TMEM63C: variants seen among roughly 807,000 people sequenced by gnomAD.
The protein encoded by TMEM63C is transmembrane protein 63C.
TMEM63C carries 32 observed loss-of-function variants against 99.2 expected under a neutral mutation model. That is an observed-to-expected ratio of 0.32 (90% CI 0.24 to 0.43). The LOEUF (loss-of-function observed/expected upper bound fraction) is 0.43. TMEM63C is among the 20% of genes least tolerant of loss of function. TMEM63C has a pLI of 1.00. For missense variants in TMEM63C, 826 were observed against 1,053.0 expected, an observed-to-expected ratio of 0.78 and a Z score of 2.98; for synonymous variants, 376 against 397.9, an observed-to-expected ratio of 0.94 and a Z score of 0.66.
At chr14:77,183,634 C>G (rs76308508) in intron 1 of TMEM63C, among the ~76,000 whole-genome samples, 4 of 152,256 alleles carry the variant, frequency 2.6e-5, no homozygotes, top group Admixed American at 6.5e-5. Flanking sequence ...GGGCCAGCAC[C>G]GGTTTACTCC....
At chr14:77,239,972 G>A (rs751870874) in intron 12 of TMEM63C, among the ~76,000 whole-genome samples, 23 of 152,198 alleles carry the variant, frequency 1.5e-4, no homozygotes, top group Non-Finnish European at 2.9e-4. Context: ...TCTTGGATGG[G>A]AGAATGAGAG....
intron 16 of TMEM63C, among the ~76,000 whole-genome samples, chr14:77,245,520 A>G (rs756451879): frequency 6.6e-6 from 1 of 152,236 alleles, no homozygotes; most frequent in Non-Finnish European, 1.5e-5. Context: ...TGATAAAGAC[A>G]TACTCAAGAC....
At chr14:77,231,795 C>T (rs1888948368) in intron 7 of TMEM63C, 65 bp downstream of exon 7, 1 of 1,534,566 alleles carries the variant, frequency 6.5e-7, no homozygotes, top group Non-Finnish European at 8.8e-7. Context: ...GCAAGCCAGT[C>T]AGGGCTGGGG....
rs932439265 is a variant in TMEM63C, at chr14:77,239,501, G to T, written c.806+9G>T. 8 of 1,613,382 alleles carry T rather than the reference G, an allele frequency of 5.0e-6. No homozygotes were observed. Among genetic ancestry groups the T allele is most frequent in the Non-Finnish European group, 6.8e-6 (8 of 1,179,728 alleles). On this transcript the variant is annotated intron_variant, in intron 11 of 23. Coordinates refer to ENST00000298351, the MANE Select transcript of TMEM63C (RefSeq NM_020431.4). The stretch of plus-strand genomic sequence containing the variant: ...GACTTGGACGATCAGAGGTGAGGCT[G>T]CAGCGGGGCCTTTTGGGGCCCGGGG...
At position 77,256,513 on chromosome 14, in the gene TMEM63C, C is replaced by T. The variant is rs1566633583; in HGVS notation, c.2221-13C>T. ...GTGACCTTGCTCCTGTCCCCTGTCT[C>T]TATCCCAAGCAGCTGTATGTGGCCA... On this transcript the variant is annotated splice_polypyrimidine_tract_variant and intron_variant, in intron 23 of 23. Transcript: ENST00000298351. 2.5e-6 allele frequency: 4 copies of T among 1,613,800 alleles called. No homozygotes were observed. Among genetic ancestry groups the T allele is most frequent in the Non-Finnish European group, 3.4e-6 (4 of 1,179,834 alleles).
chr14:77,225,539 GC>G (rs1888805197), intron 6 of TMEM63C, 78 bp downstream of exon 6: 2 of 1,500,622 alleles, frequency 1.3e-6, no homozygotes, highest in Non-Finnish European at 1.8e-6. Context: ...AAAGTTAGCA[GC>G]CCCCAGCCTG....
chr14:77,255,283 G>C (rs184786727), intron 23 of TMEM63C, among the ~76,000 whole-genome samples: 1 of 152,186 alleles, frequency 6.6e-6, no homozygotes, highest in Admixed American at 6.5e-5. Flanking sequence ...GAGCCACCAC[G>C]CCAGGCCTAT....
At chr14:77,228,632 G>A (rs1341165654) in intron 6 of TMEM63C, among the ~76,000 whole-genome samples, 5 of 151,224 alleles carry the variant, frequency 3.3e-5, no homozygotes, top group East Asian at 2.0e-4. Context: ...CGCCTCCCAC[G>A]TTCAAACAAT....
At chr14:77,224,596 A>ACT (rs1888784415) in intron 5 of TMEM63C, among the ~76,000 whole-genome samples, 1 of 151,366 alleles carries the variant, frequency 6.6e-6, no homozygotes, top group Non-Finnish European at 1.5e-5. Flanking sequence ...TCCAAAGATG[A>ACT]CTCTCTCTCT....
At chr14:77,189,921 C>T (rs749440759) in intron 1 of TMEM63C, among the ~76,000 whole-genome samples, 24 of 152,194 alleles carry the variant, frequency 1.6e-4, no homozygotes, top group Non-Finnish European at 2.4e-4. Context: ...CTCTCATCCC[C>T]TTCTCTGATT....
At position 77,225,572 on chromosome 14, in the gene TMEM63C, G is replaced by A. The variant is rs554324184; in HGVS notation, c.350+111G>A. On this transcript the variant is annotated intron_variant, in intron 6 of 23. Transcript: ENST00000298351. The stretch of plus-strand genomic sequence containing the variant: ...CCTGGGAAGACAGGGCCTGAGCTCC[G>A]TATCCTCCCCGCCACCTCGGCCCAT... 401 of 1,093,514 alleles carry A rather than the reference G, an allele frequency of 3.7e-4. 4 individuals carry two copies. The Middle Eastern group carries it at 3.9e-3, about 11-fold the overall frequency. The allele number at this position is 1,093,514 out of a possible 1,614,324, so 67.7% of individuals were successfully genotyped here.
intron 6 of TMEM63C, 25 bp from the exon 7 acceptor site, chr14:77,231,563 G>C: frequency 6.4e-7 from 1 of 1,551,230 alleles, no homozygotes; most frequent in South Asian, 1.2e-5. Flanking sequence ...CCTGAGGCAC[G>C]TCCTTGTCTG....
At chr14:77,226,529 A>G (rs533188820) in intron 6 of TMEM63C, among the ~76,000 whole-genome samples, 1 of 152,332 alleles carries the variant, frequency 6.6e-6, no homozygotes, top group Non-Finnish European at 1.5e-5. Context: ...GAAGAGAGAA[A>G]TTAATTCCAA....
chr14:77,240,733 C>G, intron 13 of TMEM63C, 125 bp downstream of exon 13: 1 of 1,248,928 alleles, frequency 8.0e-7, no homozygotes, highest in Non-Finnish European at 1.1e-6. Context: ...TCACAGGCAG[C>G]TGCCATCTGG....
Position 77,256,993 on chromosome 14 carries a change from A to G in TMEM63C, c.*267A>G, listed in dbSNP as rs1889474879. 2.2e-6 allele frequency: 1 copy of G among 451,586 alleles called. No individual in the cohort carries two copies. 28.0% of individuals were successfully genotyped at this position (451,586 alleles called of 1,614,324 possible). A position where few individuals can be genotyped will look rare whatever the true frequency, so the allele number is the denominator to read the frequency against. On this transcript the variant is annotated 3_prime_UTR_variant, in exon 24 of 24. Coordinates refer to ENST00000298351, the MANE Select transcript of TMEM63C (RefSeq NM_020431.4). ...CACATGTCTTGAGAGAGGTGGCTGG[A>G]GCCCCGGCACAGAGACTGAACGCTG...
intron 1 of TMEM63C, among the ~76,000 whole-genome samples, chr14:77,190,953 G>T (rs1888095055): frequency 6.6e-6 from 1 of 152,008 alleles, no homozygotes; most frequent in African/African-American, 2.4e-5. Flanking sequence ...CGGTAAGATT[G>T]CCAACCTGGA....
intron 6 of TMEM63C, among the ~76,000 whole-genome samples, chr14:77,226,140 G>A (rs894134406): frequency 3.9e-5 from 6 of 152,126 alleles, no homozygotes; most frequent in Non-Finnish European, 8.8e-5. Flanking sequence ...ACACGTACAC[G>A]TGTGCACACA....
rs959769315 is a variant in TMEM63C at position 77,239,348 on chromosome 14, G to C, written c.726-64G>C. ...GCCCTCAGGGCCGACATGCTGGGCA[G>C]GGGGTAGGGGCAGCACATCCCCAAC... On this transcript the variant is annotated intron_variant, in intron 10 of 23. Transcript: ENST00000298351. 7 of 1,549,952 alleles carry C rather than the reference G, an allele frequency of 4.5e-6. No individual in the cohort carries two copies. The African/African-American group carries it at 9.5e-5, about 21-fold the overall frequency.
chr14:77,256,862 C>T lies in TMEM63C; in HGVS notation c.*136C>T, dbSNP rs1889472481. The T allele has an allele frequency of 2.5e-6, 2 of 810,350 alleles. No homozygotes were observed. Among genetic ancestry groups the T allele is most frequent in the Admixed American group, 5.5e-5 (2 of 36,114 alleles). The allele number at this position is 810,350 out of a possible 1,614,324, so 50.2% of individuals were successfully genotyped here. A position where few individuals can be genotyped will look rare whatever the true frequency, so the allele number is the denominator to read the frequency against. On this transcript the variant is annotated 3_prime_UTR_variant, in exon 24 of 24. Transcript: ENST00000298351. ...AAGCCCACAGTGGAGACATCCACCA[C>T]CCCAGCCATGGGCCATACGGGGGTC...
Sources: allele counts gnomAD v4.1 joint callset (sites outside exome capture counted in the v4.1 genomes callset), GRCh38; gene constraint gnomAD v4.1.1; transcripts MANE v1.5; gene names NCBI Gene and HGNC (gene_info 2026-07-23, HGNC 2026-07-21).